CNTNAP5: variants seen among roughly 807,000 people sequenced by gnomAD.
The protein encoded by CNTNAP5 is contactin associated protein family member 5, also known as contactin-associated protein-like 5.
CNTNAP5 carries 72 observed loss-of-function variants against 150.2 expected under a neutral mutation model. That is an observed-to-expected ratio of 0.48 (90% CI 0.40 to 0.58). The LOEUF (loss-of-function observed/expected upper bound fraction) is 0.58, where lower values mean the gene tolerates loss of function less well. Among genes scored for constraint, CNTNAP5 ranks in the 20% least tolerant of loss-of-function variants. The probability of loss-of-function intolerance (pLI) is 0.00; values close to 1 mark genes in which losing one functional copy is unlikely to be tolerated. For missense variants in CNTNAP5, 1,636 were observed against 1,626.2 expected (o/e 1.01, Z -0.10); for synonymous variants, 672 against 619.8 (o/e 1.08, Z -1.25).
chr2:124,678,033 T>A (rs896913287), intron 13 of CNTNAP5, among the ~76,000 whole-genome samples: 1 of 151,884 alleles, frequency 6.6e-6, no homozygotes, highest in Non-Finnish European at 1.5e-5. Context: ...ATGTCTTAAG[T>A]CTCTGCCTTT....
intron 6 of CNTNAP5, among the ~76,000 whole-genome samples, chr2:124,466,806 A>G (rs995468690): frequency 1.3e-5 from 2 of 152,198 alleles, no homozygotes; most frequent in Non-Finnish European, 2.9e-5. Context: ...CATTTCATAC[A>G]GACTATGTAC....
At chr2:124,175,216 G>A (rs564540332) in intron 1 of CNTNAP5, among the ~76,000 whole-genome samples, 13 of 117,186 alleles carry the variant, frequency 1.1e-4, no homozygotes, top group Middle Eastern at 4.9e-3. Flanking sequence ...CATCACACAA[G>A]TGGGATCTAC....
intron 1 of CNTNAP5, among the ~76,000 whole-genome samples, chr2:124,168,135 TC>T (rs1396252771): frequency 6.6e-5 from 10 of 152,174 alleles, no homozygotes. Context: ...ATAAATGGTT[TC>T]CTTCCCCTCT....
rs147618068 is a variant in CNTNAP5, at chr2:124,484,266, A to G, written c.1062+9384A>G. Among the ~76,000 whole-genome samples the G allele has an allele frequency of 2.8e-3, 425 of 152,312 alleles. 3 individuals are homozygous for G. Among genetic ancestry groups the G allele is most frequent in the African/African-American group, 9.9e-3 (412 of 41,580 alleles). ...GAAACAACAAACTTTATTCTAGTCT[A>G]TTTCTTTGCAAGAGTTATTCCTGTT... is the stretch of plus-strand genomic sequence containing the variant. On this transcript the variant is annotated intron_variant, in intron 7 of 23. Coordinates refer to ENST00000682447, the MANE Select transcript of CNTNAP5 (RefSeq NM_001367498.1).
intron 1 of CNTNAP5, among the ~76,000 whole-genome samples, chr2:124,182,410 A>G (rs1685230144): frequency 6.6e-6 from 1 of 152,122 alleles, no homozygotes; most frequent in Admixed American, 6.5e-5. Flanking sequence ...GATTGTCCCA[A>G]TTTTACGGAT....
rs181246108 is a variant in CNTNAP5 at position 124,664,346 on chromosome 2, A to G, written c.2077+16388A>G. ...TCAAGAAAAAAAAAAAAAAAAAAGGAAAGAAAAAGCTTAAGTGTGGTGCAA... is the reference window on the plus strand; with the variant it reads ...TCAAGAAAAAAAAAAAAAAAAAAGGGAAGAAAAAGCTTAAGTGTGGTGCAA... On this transcript the variant is annotated intron_variant, in intron 13 of 23. Transcript: ENST00000682447. 9.4e-3 allele frequency among the ~76,000 whole-genome samples: 1,404 copies of G among 148,630 alleles called. 15 individuals are homozygous for G. Among genetic ancestry groups the G allele is most frequent in the Non-Finnish European group, 0.013 (860 of 66,890 alleles).
At chr2:124,733,505 G>T (rs1274256270) in intron 13 of CNTNAP5, among the ~76,000 whole-genome samples, 2 of 151,968 alleles carry the variant, frequency 1.3e-5, no homozygotes, top group Non-Finnish European at 2.9e-5. Flanking sequence ...CTGCAGGAAA[G>T]AATTATGTTA....
intron 3 of CNTNAP5, among the ~76,000 whole-genome samples, chr2:124,272,935 G>T (rs553372658): frequency 1.3e-5 from 2 of 152,260 alleles, no homozygotes; most frequent in South Asian, 4.2e-4. Context: ...ACAAATGCAT[G>T]ACCCTGTAGG....
At chr2:124,268,809 G>A (rs772746248) in intron 3 of CNTNAP5, among the ~76,000 whole-genome samples, 11 of 152,162 alleles carry the variant, frequency 7.2e-5, no homozygotes, top group Middle Eastern at 3.2e-3. Flanking sequence ...TTTTCACTGG[G>A]AGAGTCCTTC....
At chr2:124,471,142 A>C (rs911912181) in intron 6 of CNTNAP5, among the ~76,000 whole-genome samples, 3 of 152,196 alleles carry the variant, frequency 2.0e-5, no homozygotes, top group Non-Finnish European at 2.9e-5. Context: ...ATAACATTGA[A>C]TCTATACATT....
rs533359530 is a variant in CNTNAP5 at position 124,305,830 on chromosome 2, C to A, written c.381+63437C>A. ...CTCCAGAATTGTGAGATATAAATTT[C>A]TTTTAAAAAATAAATTACCTAATAT... On this transcript the variant is annotated intron_variant, in intron 3 of 23. Transcript: ENST00000682447. Among the ~76,000 whole-genome samples the A allele has an allele frequency of 7.9e-5, 12 of 152,260 alleles. No homozygotes were observed. The South Asian group carries it at 2.3e-3, about 29-fold the overall frequency.
At chr2:124,876,703 C>T (rs771178982) in intron 21 of CNTNAP5, among the ~76,000 whole-genome samples, 11 of 151,930 alleles carry the variant, frequency 7.2e-5, no homozygotes, top group Non-Finnish European at 1.3e-4. Context: ...AATTATATTT[C>T]ATTTTGTTTA....
intron 3 of CNTNAP5, among the ~76,000 whole-genome samples, chr2:124,314,272 C>T (rs1688905407): frequency 6.6e-6 from 1 of 152,180 alleles, no homozygotes; most frequent in Non-Finnish European, 1.5e-5. Context: ...TGTTTCACAA[C>T]CTGCAGTTTC....
At chr2:124,619,319 A>G (rs1677560718) in intron 12 of CNTNAP5, among the ~76,000 whole-genome samples, 1 of 152,140 alleles carries the variant, frequency 6.6e-6, no homozygotes, top group Non-Finnish European at 1.5e-5. Flanking sequence ...ACCAGGAAGA[A>G]AAGGAGTTCT....
chr2:124,320,050 T>C (rs1689061353), intron 3 of CNTNAP5, among the ~76,000 whole-genome samples: 2 of 152,350 alleles, frequency 1.3e-5, no homozygotes, highest in South Asian at 4.1e-4. Context: ...TACAGGTATG[T>C]TACAGTCTTT....
chr2:124,205,964 T>C (rs928351870), intron 1 of CNTNAP5, among the ~76,000 whole-genome samples: 9 of 152,246 alleles, frequency 5.9e-5, no homozygotes, highest in African/African-American at 1.7e-4. Context: ...GGGCCTTTAG[T>C]CCCTACTCGG....
Position 124,548,626 on chromosome 2 carries a change from G to GA in CNTNAP5, c.1650-14582dup, listed in dbSNP as rs202236783. Among the ~76,000 whole-genome samples the GA allele has an allele frequency of 1.0e-2, 1,475 of 147,694 alleles. 20 individuals are homozygous for GA. Among genetic ancestry groups the GA allele is most frequent in the African/African-American group, 0.032 (1,284 of 40,122 alleles). On this transcript the variant is annotated intron_variant, in intron 10 of 23. Transcript: ENST00000682447. ...ACCAAATCTCTCTCTCCACGAACTG[G>GA]AAAAAAAAACAAAACAGTTAAAAAA...
intron 13 of CNTNAP5, among the ~76,000 whole-genome samples, chr2:124,743,343 C>T (rs1015258824): frequency 3.3e-5 from 5 of 152,220 alleles, no homozygotes; most frequent in Middle Eastern, 3.4e-3. Context: ...TTGTGAGTCC[C>T]GCCTCCACAG....
chr2:124,358,799 C>T (rs1243054965), intron 3 of CNTNAP5, among the ~76,000 whole-genome samples: 4 of 151,540 alleles, frequency 2.6e-5, no homozygotes, highest in Non-Finnish European at 5.9e-5. Flanking sequence ...GCTTTGGTAT[C>T]AGAATGATGC....
Sources: allele counts gnomAD v4.1 joint callset (sites outside exome capture counted in the v4.1 genomes callset), GRCh38; gene constraint gnomAD v4.1.1; transcripts MANE v1.5; gene names NCBI Gene and HGNC (gene_info 2026-07-23, HGNC 2026-07-21).